RAB28: variants seen among roughly 807,000 people sequenced by gnomAD.
The protein encoded by RAB28 is ras-related protein Rab-28.
RAB28 carries 24 observed loss-of-function variants against 31.7 expected under a neutral mutation model. The observed-to-expected ratio is 0.76, with a 90% CI of 0.55 to 1.06. The LOEUF (loss-of-function observed/expected upper bound fraction) is 1.06, where lower values mean the gene tolerates loss of function less well. RAB28 is among the 50% of genes least tolerant of loss of function. The pLI, the probability that RAB28 is intolerant of heterozygous loss-of-function variation, is 0.00. For missense variants in RAB28, 254 were observed against 258.5 expected (o/e 0.98, Z 0.12); for synonymous variants, 100 against 90.4 (o/e 1.11, Z -0.60).
intron 5 of RAB28, among the ~76,000 whole-genome samples, chr4:13,378,803 A>G (rs942813601): frequency 8.5e-5 from 13 of 152,176 alleles, no homozygotes; most frequent in African/African-American, 3.1e-4. Context: ...TAGCAGCAGT[A>G]TGTAGAAGTT....
At chr4:13,385,650 G>GACC (rs1729337465) in intron 4 of RAB28, among the ~76,000 whole-genome samples, 1 of 152,136 alleles carries the variant, frequency 6.6e-6, no homozygotes, top group African/African-American at 2.4e-5. Flanking sequence ...ATTCTTAGCA[G>GACC]ACCTGGCTTA....
chr4:13,453,336 T>C (rs909797372), intron 4 of RAB28, among the ~76,000 whole-genome samples: 1 of 152,284 alleles, frequency 6.6e-6, no homozygotes, highest in Admixed American at 6.5e-5. Context: ...TTGTTCTGTA[T>C]ACCCTTTGTT....
chr4:13,408,782 C>T (rs1318632180), intron 4 of RAB28, among the ~76,000 whole-genome samples: 1 of 151,968 alleles, frequency 6.6e-6, no homozygotes, highest in African/African-American at 2.4e-5. Context: ...ACTGATCATT[C>T]TCTACTTTAA....
intron 3 of RAB28, chr4:13,474,005 T>C (rs1716235427): frequency 2.4e-6 from 1 of 415,716 alleles, no homozygotes; most frequent in Non-Finnish European, 4.6e-6. Context: ...GCAGTCACTA[T>C]AACAAAACCA....
chr4:13,381,740 T>C (rs1211072977), intron 4 of RAB28, 146 bp from the exon 5 acceptor site: 3 of 560,886 alleles, frequency 5.3e-6, no homozygotes, highest in Middle Eastern at 3.4e-4. Context: ...TAAACCTCTT[T>C]ATGACTCAGT....
intron 4 of RAB28, among the ~76,000 whole-genome samples, chr4:13,387,604 A>C (rs1729432728): frequency 6.6e-6 from 1 of 152,074 alleles, no homozygotes; most frequent in South Asian, 2.1e-4. Context: ...TTTGCTACAC[A>C]TTTAGGTAAA....
At chr4:13,429,752 C>T (rs970576039) in intron 4 of RAB28, among the ~76,000 whole-genome samples, 12 of 152,174 alleles carry the variant, frequency 7.9e-5, no homozygotes, top group African/African-American at 2.4e-4. Flanking sequence ...TTCCAGCTGA[C>T]TTATTCCCAG....
intron 3 of RAB28, among the ~76,000 whole-genome samples, chr4:13,471,128 A>G (rs528148784): frequency 2.6e-4 from 40 of 152,226 alleles, no homozygotes; most frequent in African/African-American, 9.6e-4. Flanking sequence ...ATATCCTGAA[A>G]AAGCTTGTCT....
intron 4 of RAB28, among the ~76,000 whole-genome samples, chr4:13,440,837 G>A (rs764950415): frequency 2.0e-5 from 3 of 151,802 alleles, no homozygotes; most frequent in African/African-American, 4.8e-5. Flanking sequence ...TGTAAGAAGA[G>A]ATAAGGACAC....
At chr4:13,458,633 G>T (rs986109651) in intron 4 of RAB28, among the ~76,000 whole-genome samples, 8 of 152,120 alleles carry the variant, frequency 5.3e-5, no homozygotes, top group African/African-American at 1.9e-4. Flanking sequence ...GCATAACAAT[G>T]TTTCTATCAA....
At chr4:13,413,592 C>T (rs575585317) in intron 4 of RAB28, among the ~76,000 whole-genome samples, 65 of 151,504 alleles carry the variant, frequency 4.3e-4, no homozygotes, top group African/African-American at 1.5e-3. Context: ...TTAATGAACC[C>T]GCAGAGAAAA....
At chr4:13,465,754 AACAC>A (rs33979911) in intron 3 of RAB28, among the ~76,000 whole-genome samples, 57 of 142,110 alleles carry the variant, frequency 4.0e-4, no homozygotes, top group South Asian at 1.3e-3. Context: ...GGCAATCATG[AACAC>A]ACACACACAC....
chr4:13,419,510 C>A (rs967580875), intron 4 of RAB28, among the ~76,000 whole-genome samples: 2 of 152,158 alleles, frequency 1.3e-5, no homozygotes, highest in Admixed American at 1.3e-4. Flanking sequence ...GTAAAGCACT[C>A]CTCAGCAAAT....
chr4:13,430,924 G>A (rs189865921), intron 4 of RAB28, among the ~76,000 whole-genome samples: 1 of 152,306 alleles, frequency 6.6e-6, no homozygotes, highest in African/African-American at 2.4e-5. Context: ...GGCCAGCAGT[G>A]ACACCCATGA....
chr4:13,392,705 A>T (rs892481453), intron 4 of RAB28, among the ~76,000 whole-genome samples: 3 of 152,206 alleles, frequency 2.0e-5, no homozygotes, highest in Non-Finnish European at 2.9e-5. Flanking sequence ...ACAAAAAAAG[A>T]TAAGTGTTTT....
chr4:13,420,278 C>G (rs2108919943), intron 4 of RAB28, among the ~76,000 whole-genome samples: 1 of 151,968 alleles, frequency 6.6e-6, no homozygotes, highest in African/African-American at 2.4e-5. Flanking sequence ...GTCTACCAAC[C>G]AAAAAAAGGC....
chr4:13,420,595 G>A (rs201476690), intron 4 of RAB28, among the ~76,000 whole-genome samples: 1 of 151,948 alleles, frequency 6.6e-6, no homozygotes, highest in Non-Finnish European at 1.5e-5. Flanking sequence ...ATGCAAAGCT[G>A]GTTCAACATA....
intron 6 of RAB28, chr4:13,371,216 G>A: frequency 1.0e-5 from 10 of 985,300 alleles, no homozygotes; most frequent in Non-Finnish European, 1.2e-5. Context: ...ATTAACTTTT[G>A]GACAAGACTC....
chr4:13,423,569 A>C (rs968846740), intron 4 of RAB28, among the ~76,000 whole-genome samples: 4 of 152,104 alleles, frequency 2.6e-5, no homozygotes, highest in African/African-American at 9.7e-5. Flanking sequence ...CCGATAAATA[A>C]AGTTTTGTTG....
Sources: allele counts gnomAD v4.1 joint callset (sites outside exome capture counted in the v4.1 genomes callset), GRCh38; gene constraint gnomAD v4.1.1; transcripts MANE v1.5; gene names NCBI Gene and HGNC (gene_info 2026-07-23, HGNC 2026-07-21).